Variants in CTNNA3 observed in about 807,000 individuals in gnomAD.
CTNNA3 encodes the protein catenin alpha 3.
CTNNA3 carries 76 observed loss-of-function variants against 95.7 expected under a neutral mutation model. That is an observed-to-expected ratio of 0.79 (90% CI 0.66 to 0.96). CTNNA3 has a LOEUF of 0.96. CTNNA3 is among the 40% of genes least tolerant of loss of function. The pLI is 0.00. For missense variants in CTNNA3, 1,191 were observed against 1,089.8 expected, an observed-to-expected ratio of 1.09 and a Z score of -1.31; for synonymous variants, 431 against 374.4, an observed-to-expected ratio of 1.15 and a Z score of -1.74.
At chr10:67,619,026 T>C (rs1452606638) in intron 2 of CTNNA3, among the ~76,000 whole-genome samples, 1 of 152,178 alleles carries the variant, frequency 6.6e-6, no homozygotes, top group Admixed American at 6.5e-5. Flanking sequence ...AGTGTAAATA[T>C]GGATATTTTG....
intron 7 of CTNNA3, among the ~76,000 whole-genome samples, chr10:67,086,142 G>C (rs188675649): frequency 5.9e-5 from 9 of 152,064 alleles, no homozygotes; most frequent in African/African-American, 2.2e-4. Context: ...ATGGATGAAG[G>C]GGTGGAAGAA....
chr10:66,898,483 ACAAG>A (rs1157301014), intron 7 of CTNNA3, among the ~76,000 whole-genome samples: 1 of 152,194 alleles, frequency 6.6e-6, no homozygotes, highest in African/African-American at 2.4e-5. Context: ...CTGGCAACAA[ACAAG>A]CAAACAAACA....
In CTNNA3 at chr10:67,186,235, A is replaced by G. The variant is rs930922337; in HGVS notation, c.844-5715T>C. Among the ~76,000 whole-genome samples, 3 of 152,184 alleles carry G rather than the reference A, an allele frequency of 2.0e-5. No individual in the cohort carries two copies. In the East Asian group the frequency reaches 5.8e-4, roughly 29 times the overall value. On this transcript the variant is annotated intron_variant, in intron 6 of 17. Coordinates refer to ENST00000433211, the MANE Select transcript of CTNNA3 (RefSeq NM_013266.4). ...TTACATTTCAAATCTGTTTGCTGTA[A>G]GTACTGCAAGAAAAAACTGCCGTGA...
intron 9 of CTNNA3, among the ~76,000 whole-genome samples, chr10:66,679,104 G>A (rs1487884090): frequency 6.6e-6 from 1 of 152,132 alleles, no homozygotes; most frequent in Non-Finnish European, 1.5e-5. Context: ...ATATCTAGGT[G>A]GTGAGCAGGG....
At chr10:66,046,296 C>A (rs1454310011) in intron 15 of CTNNA3, among the ~76,000 whole-genome samples, 4 of 152,168 alleles carry the variant, frequency 2.6e-5, no homozygotes, top group Admixed American at 6.5e-5. Flanking sequence ...GGCCTTCAGT[C>A]TGACAGACAG....
At chr10:66,197,732 G>A (rs1452774236) in intron 13 of CTNNA3, among the ~76,000 whole-genome samples, 1 of 152,242 alleles carries the variant, frequency 6.6e-6, no homozygotes, top group African/African-American at 2.4e-5. Flanking sequence ...TTTCATTTGA[G>A]GTCCAGGGAT....
intron 1 of CTNNA3, among the ~76,000 whole-genome samples, chr10:67,669,916 G>T (rs1332235548): frequency 2.0e-5 from 3 of 152,190 alleles, no homozygotes; most frequent in Non-Finnish European, 4.4e-5. Context: ...TAATTGGATA[G>T]CAAGAAAACC....
chr10:67,709,802 T>G lies in CTNNA3; in HGVS notation c.-2+53632A>C, dbSNP rs141335340. Among the ~76,000 whole-genome samples, 562 of 152,238 alleles carry G rather than the reference T, an allele frequency of 3.7e-3. 3 individuals are homozygous for G. The highest frequency in any genetic ancestry group is 0.013 in the African/African-American group (536 of 41,542). The stretch of plus-strand genomic sequence containing the variant: ...CCCCACTCTGGTCACTGGCTATAAA[T>G]TCCCACTTGCCCATGCTGTATTGAG... On this transcript the variant is annotated intron_variant, in intron 1 of 17. Transcript: ENST00000684154.
intron 12 of CTNNA3, among the ~76,000 whole-genome samples, chr10:66,337,511 T>C (rs901725878): frequency 1.3e-5 from 2 of 152,116 alleles, no homozygotes; most frequent in Admixed American, 1.3e-4. Flanking sequence ...ATGATCAGGA[T>C]GTTCCTCTAA....
chr10:66,019,048 A>G (rs1192745327), intron 15 of CTNNA3, among the ~76,000 whole-genome samples: 1 of 152,184 alleles, frequency 6.6e-6, no homozygotes, highest in African/African-American at 2.4e-5. Flanking sequence ...GAAGCATTTT[A>G]TATTTTAACC....
Position 66,987,881 on chromosome 10 carries a change from C to T in CTNNA3, c.1047+192436G>A, listed in dbSNP as rs1329498248. On this transcript the variant is annotated intron_variant, in intron 7 of 17. Coordinates refer to ENST00000433211, the MANE Select transcript of CTNNA3 (RefSeq NM_013266.4). Reference sequence around the variant, plus strand: ...GTTAGTTTACAATGAATTAAAGGAACTCCTTTTTATGCAGAGGGTTTTAAA... The same window carrying T: ...GTTAGTTTACAATGAATTAAAGGAATTCCTTTTTATGCAGAGGGTTTTAAA... Among the ~76,000 whole-genome samples the T allele has an allele frequency of 2.0e-5, 3 of 152,110 alleles. No homozygotes were observed. In the East Asian group the frequency reaches 5.8e-4, roughly 29 times the overall value.
chr10:66,683,844 G>A (rs1467428892), intron 9 of CTNNA3, among the ~76,000 whole-genome samples: 3 of 152,044 alleles, frequency 2.0e-5, no homozygotes, highest in East Asian at 3.9e-4. Flanking sequence ...AGGTAGGCAG[G>A]GGGATGTAGG....
At chr10:66,981,274 T>C (rs61866216) in intron 7 of CTNNA3, among the ~76,000 whole-genome samples, 30,485 of 152,254 alleles carry the variant, frequency 0.2, 3,479 homozygotes, top group Middle Eastern at 0.32. Flanking sequence ...TAAAAATGAA[T>C]GATTACATTT....
At chr10:67,701,403 T>C (rs1589575788) in intron 1 of CTNNA3, among the ~76,000 whole-genome samples, 2 of 152,076 alleles carry the variant, frequency 1.3e-5, no homozygotes, top group Admixed American at 1.3e-4. Context: ...CAAAGGGAAG[T>C]CCATCAGACT....
intron 7 of CTNNA3, among the ~76,000 whole-genome samples, chr10:66,832,637 A>C (rs558593821): frequency 6.6e-6 from 1 of 152,066 alleles, no homozygotes; most frequent in Admixed American, 6.6e-5. Context: ...TTTCAAAAAA[A>C]AAAAAGGAAG....
intron 11 of CTNNA3, among the ~76,000 whole-genome samples, chr10:66,509,801 A>G (rs907664776): frequency 1.3e-5 from 2 of 151,790 alleles, no homozygotes; most frequent in South Asian, 2.1e-4. Context: ...TGAACTATCT[A>G]TATTATATTT....
intron 5 of CTNNA3, among the ~76,000 whole-genome samples, chr10:67,484,148 A>C (rs1039337887): frequency 6.6e-6 from 1 of 152,226 alleles, no homozygotes; most frequent in Non-Finnish European, 1.5e-5. Flanking sequence ...CCAATGTAAC[A>C]GAATAGAGAG....
chr10:67,225,593 T>G (rs1294487220), intron 5 of CTNNA3, among the ~76,000 whole-genome samples: 1 of 152,102 alleles, frequency 6.6e-6, no homozygotes, highest in Non-Finnish European at 1.5e-5. Context: ...CAGGGTAGAC[T>G]TGCTGGGTGG....
intron 1 of CTNNA3, among the ~76,000 whole-genome samples, chr10:67,752,992 A>G (rs148260760): frequency 0.01 from 1,596 of 152,282 alleles, 26 homozygotes; most frequent in African/African-American, 0.037. Flanking sequence ...TTATGGAACC[A>G]AAAAAGACCC....
Sources: gnomAD v4.1 joint callset for allele counts (sites outside exome capture counted in the v4.1 genomes callset) on GRCh38, gnomAD v4.1.1 for gene constraint, MANE v1.5 for transcripts, NCBI Gene and HGNC (gene_info 2026-07-23, HGNC 2026-07-21) for gene names.